MGMT: variants seen among roughly 807,000 people sequenced by gnomAD.
MGMT encodes O-6-methylguanine-DNA methyltransferase.
In MGMT, 14 loss-of-function variants were observed where a neutral mutation model predicts 15.9. The observed-to-expected ratio is 0.88, with a 90% CI of 0.58 to 1.37. The LOEUF (loss-of-function observed/expected upper bound fraction) is 1.37. MGMT is among the 40% of genes most tolerant of loss of function. The probability of loss-of-function intolerance (pLI) is 0.00; values close to 1 mark genes in which losing one functional copy is unlikely to be tolerated. For synonymous variants in MGMT, 130 were observed against 118.2 expected, an observed-to-expected ratio of 1.10 and a Z score of -0.65; for missense variants, 282 against 268.1, an observed-to-expected ratio of 1.05 and a Z score of -0.36.
chr10:129,526,741 G>A (rs1215070764), intron 1 of MGMT, among the ~76,000 whole-genome samples: 1 of 152,222 alleles, frequency 6.6e-6, no homozygotes, highest in Non-Finnish European at 1.5e-5. Flanking sequence ...TGCAAAGATG[G>A]TCCTGGAAGG....
Position 129,631,792 on chromosome 10 carries a change from C to G in MGMT, c.126-76103C>G, listed in dbSNP as rs693214. ...TGAGCTGAGATCACAGCACTGTACC[C>G]CAGCCTGGATGACAGAGTGAGACCC... On this transcript the variant is annotated intron_variant, in intron 2 of 4. Coordinates refer to ENST00000651593, the MANE Select transcript of MGMT (RefSeq NM_002412.5). Among the ~76,000 whole-genome samples, 526 of 152,200 alleles carry G rather than the reference C, an allele frequency of 3.5e-3. 1 individual carries two copies. Among genetic ancestry groups the G allele is most frequent in the Non-Finnish European group, 5.8e-3 (394 of 68,008 alleles).
At chr10:129,569,993 T>G (rs1188998824) in intron 2 of MGMT, among the ~76,000 whole-genome samples, 1 of 152,244 alleles carries the variant, frequency 6.6e-6, no homozygotes, top group East Asian at 1.9e-4. Context: ...GAGTGTAGAC[T>G]AACTCTGCAG....
intron 2 of MGMT, among the ~76,000 whole-genome samples, chr10:129,564,397 C>T (rs1391304125): frequency 1.7e-5 from 1 of 57,484 alleles, no homozygotes; most frequent in African/African-American, 7.5e-5. Flanking sequence ...CCCCCTCCTC[C>T]TCCTTCTCTT....
intron 3 of MGMT, among the ~76,000 whole-genome samples, chr10:129,728,639 A>G (rs1037288459): frequency 1.3e-5 from 2 of 152,090 alleles, no homozygotes; most frequent in African/African-American, 2.4e-5. Flanking sequence ...CTCCACCTGC[A>G]TCAGCCATAG....
At chr10:129,683,266 C>A (rs1191340240) in intron 2 of MGMT, among the ~76,000 whole-genome samples, 1 of 152,188 alleles carries the variant, frequency 6.6e-6, no homozygotes, top group Non-Finnish European at 1.5e-5. Context: ...AGTACGGGGG[C>A]AGCATTCTTG....
intron 3 of MGMT, among the ~76,000 whole-genome samples, chr10:129,729,462 C>T (rs1009197861): frequency 6.6e-6 from 1 of 152,202 alleles, no homozygotes; most frequent in Admixed American, 6.5e-5. Flanking sequence ...GCGTGCCTCT[C>T]GTCCTCATTT....
At chr10:129,646,748 A>ATTTTTTTTTT (rs1229950159) in intron 2 of MGMT, among the ~76,000 whole-genome samples, 1 of 63,644 alleles carries the variant, frequency 1.6e-5, no homozygotes, top group South Asian at 4.6e-4. Context: ...ATATATATAT[A>ATTTTTTTTTT]TATATATTTT....
intron 2 of MGMT, 56 bp from the exon 3 acceptor site, chr10:129,707,839 C>T (rs563893400): frequency 4.9e-5 from 79 of 1,604,148 alleles, no homozygotes; most frequent in South Asian, 2.5e-4. Context: ...TTTGCTTTTC[C>T]GATGTGTGGA....
At chr10:129,521,277 A>G (rs7075505) in intron 1 of MGMT, among the ~76,000 whole-genome samples, 6,244 of 152,112 alleles carry the variant, frequency 0.041, 174 homozygotes, top group South Asian at 0.065. Context: ...CGGGATTTCA[A>G]TCCGTGTGTC....
intron 2 of MGMT, among the ~76,000 whole-genome samples, chr10:129,669,579 C>A (rs1847698587): frequency 6.8e-6 from 1 of 147,956 alleles, no homozygotes; most frequent in Admixed American, 6.9e-5. Context: ...CATTACACTG[C>A]AGATTAATAA....
At chr10:129,740,206 G>T (rs1848615125) in intron 3 of MGMT, among the ~76,000 whole-genome samples, 1 of 152,156 alleles carries the variant, frequency 6.6e-6, no homozygotes. Context: ...GCTCCAAGTG[G>T]GCTCTCATTG....
chr10:129,686,000 G>C (rs1564760871), intron 2 of MGMT, among the ~76,000 whole-genome samples: 1 of 152,224 alleles, frequency 6.6e-6, no homozygotes, highest in Non-Finnish European at 1.5e-5. Flanking sequence ...ACAATGCCCA[G>C]TGGCAGATGT....
At chr10:129,544,483 C>A (rs866244641) in intron 2 of MGMT, among the ~76,000 whole-genome samples, 10 of 152,326 alleles carry the variant, frequency 6.6e-5, no homozygotes, top group African/African-American at 2.4e-4. Context: ...TGCACAGTAT[C>A]CTGTCTAGGA....
intron 2 of MGMT, among the ~76,000 whole-genome samples, chr10:129,540,785 A>T (rs1589857377): frequency 6.6e-6 from 1 of 152,210 alleles, no homozygotes; most frequent in South Asian, 2.1e-4. Flanking sequence ...TTTTGGGATG[A>T]ATGCACCTTG....
intron 3 of MGMT, among the ~76,000 whole-genome samples, chr10:129,720,880 T>C (rs74508278): frequency 0.012 from 1,878 of 151,972 alleles, 24 homozygotes; most frequent in South Asian, 0.041. Flanking sequence ...GCTCAGGGCA[T>C]GGACCCCAAA....
At chr10:129,574,682 A>AG (rs1359754940) in intron 2 of MGMT, among the ~76,000 whole-genome samples, 2 of 152,314 alleles carry the variant, frequency 1.3e-5, no homozygotes, top group Non-Finnish European at 2.9e-5. Flanking sequence ...TGTCTATTAA[A>AG]GGGGATTGCA....
At chr10:129,554,225 C>G (rs138763685) in intron 2 of MGMT, among the ~76,000 whole-genome samples, 1 of 152,208 alleles carries the variant, frequency 6.6e-6, no homozygotes, top group East Asian at 1.9e-4. Flanking sequence ...ACGGGTCATA[C>G]GCCATCTGGG....
chr10:129,571,581 AC>A (rs1193370535), intron 2 of MGMT, among the ~76,000 whole-genome samples: 3 of 152,142 alleles, frequency 2.0e-5, no homozygotes, highest in Non-Finnish European at 4.4e-5. Flanking sequence ...AATTCAAAAG[AC>A]TGAAAACTCA....
chr10:129,736,954 T>C (rs927914376), intron 3 of MGMT, among the ~76,000 whole-genome samples: 2 of 152,254 alleles, frequency 1.3e-5, no homozygotes, highest in Admixed American at 6.5e-5. Context: ...GGCTTCCCTT[T>C]GAGGGTAACC....
Sources: gnomAD v4.1 joint callset for allele counts (sites outside exome capture counted in the v4.1 genomes callset) on GRCh38, gnomAD v4.1.1 for gene constraint, MANE v1.5 for transcripts, NCBI Gene and HGNC (gene_info 2026-07-23, HGNC 2026-07-21) for gene names.